Variants in MRTFB observed in about 807,000 individuals in gnomAD.
MRTFB encodes the protein myocardin-related transcription factor B.
Under a neutral mutation model 104.2 loss-of-function variants are expected in MRTFB, and 29 were observed. The observed-to-expected ratio is 0.28, with a 90% CI of 0.21 to 0.38. The LOEUF is 0.38. Ranked by LOEUF, MRTFB falls within the 10% of genes least tolerant of loss-of-function variation. The pLI, the probability that MRTFB is intolerant of heterozygous loss-of-function variation, is 1.00. For synonymous variants in MRTFB, 535 were observed against 519.5 expected (o/e 1.03, Z -0.41); for missense variants, 1,270 against 1,341.6 (o/e 0.95, Z 0.83).
intron 1 of MRTFB, among the ~76,000 whole-genome samples, chr16:14,078,412 C>A (rs1485689299): frequency 6.6e-6 from 1 of 152,024 alleles, no homozygotes; most frequent in African/African-American, 2.4e-5. Flanking sequence ...GAATACAAAG[C>A]TTATGCCCAC....
chr16:14,042,068 A>G, the MRTFB span, among the ~76,000 whole-genome samples: 3 of 152,144 alleles, frequency 2.0e-5, no homozygotes, highest in Non-Finnish European at 2.9e-5. Flanking sequence ...TATTCCCACC[A>G]ACAGTGCACA....
chr16:14,108,628 T>C (rs2142132051), intron 2 of MRTFB, among the ~76,000 whole-genome samples: 1 of 152,342 alleles, frequency 6.6e-6, no homozygotes, highest in East Asian at 1.9e-4. Flanking sequence ...CCCAGGAGGT[T>C]ACTTCTCTCT....
intron 2 of MRTFB, among the ~76,000 whole-genome samples, chr16:14,096,177 A>C (rs1444572217): frequency 6.6e-6 from 1 of 152,030 alleles, no homozygotes; most frequent in Non-Finnish European, 1.5e-5. Flanking sequence ...CCTGGGTTCA[A>C]GTAATTCTGC....
At chr16:14,249,166 C>T (rs930475090) in intron 13 of MRTFB, 85 bp downstream of exon 13, 2 of 1,459,958 alleles carry the variant, frequency 1.4e-6, no homozygotes, top group African/African-American at 2.8e-5. Flanking sequence ...TTGTAAACGC[C>T]CTGGGAAGTT....
intron 3 of MRTFB, among the ~76,000 whole-genome samples, chr16:14,172,738 C>G (rs2039463276): frequency 6.6e-6 from 1 of 152,134 alleles, no homozygotes; most frequent in Non-Finnish European, 1.5e-5. Flanking sequence ...AATTTTGATT[C>G]AGTTTCTCTA....
At chr16:14,012,708 A>C in the MRTFB span, among the ~76,000 whole-genome samples, 1 of 152,086 alleles carries the variant, frequency 6.6e-6, no homozygotes, top group Non-Finnish European at 1.5e-5. Flanking sequence ...GGGGTTAAGC[A>C]ATGTATGAAC....
intron 2 of MRTFB, among the ~76,000 whole-genome samples, chr16:14,082,121 A>G (rs1197812739): frequency 6.6e-6 from 1 of 152,202 alleles, no homozygotes; most frequent in Admixed American, 6.5e-5. Flanking sequence ...GTCCAGACCA[A>G]TGTCATGGAA....
intron 8 of MRTFB, among the ~76,000 whole-genome samples, chr16:14,225,866 C>T (rs922789144): frequency 1.3e-5 from 2 of 152,110 alleles, no homozygotes; most frequent in African/African-American, 4.8e-5. Flanking sequence ...CTTGTCAGGA[C>T]GTGACCACTG....
intron 2 of MRTFB, among the ~76,000 whole-genome samples, chr16:14,137,887 T>A (rs2037803048): frequency 6.6e-6 from 1 of 152,124 alleles, no homozygotes; most frequent in Non-Finnish European, 1.5e-5. Context: ...ACATTTAATG[T>A]AATTATTGAT....
chr16:14,090,045 C>G (rs914881419), intron 2 of MRTFB, among the ~76,000 whole-genome samples: 1 of 152,114 alleles, frequency 6.6e-6, no homozygotes, highest in Non-Finnish European at 1.5e-5. Context: ...AACACCCCCA[C>G]CCTTATCAGA....
intron 3 of MRTFB, chr16:14,186,573 C>T: frequency 2.5e-6 from 1 of 400,864 alleles, no homozygotes; most frequent in Non-Finnish European, 4.0e-6. Context: ...CATCAAACTG[C>T]AGACTGAAGT....
intron 3 of MRTFB, among the ~76,000 whole-genome samples, chr16:14,146,189 G>A (rs2038302684): frequency 1.3e-5 from 2 of 152,182 alleles, no homozygotes; most frequent in South Asian, 2.1e-4. Flanking sequence ...ATGTTGACAT[G>A]GTCACAGAAA....
intron 2 of MRTFB, among the ~76,000 whole-genome samples, chr16:14,102,282 A>G (rs1335831361): frequency 6.6e-6 from 1 of 152,222 alleles, no homozygotes; most frequent in African/African-American, 2.4e-5. Context: ...GTTTTGTGAC[A>G]GTGCAAGAAC....
At chr16:14,232,851 GA>G (rs1425883122) in intron 8 of MRTFB, among the ~76,000 whole-genome samples, 1 of 152,124 alleles carries the variant, frequency 6.6e-6, no homozygotes, top group Non-Finnish European at 1.5e-5. Context: ...TTTTAAGGAG[GA>G]AAAATACAGT....
chr16:14,224,099 G>A (rs181083651), intron 8 of MRTFB, among the ~76,000 whole-genome samples: 13 of 152,228 alleles, frequency 8.5e-5, no homozygotes, highest in Middle Eastern at 3.4e-3. Flanking sequence ...GAGAGCGAGC[G>A]AGCACAGGGA....
At chr16:14,252,311 A>G (rs1483732574) in intron 14 of MRTFB, 54 bp from the exon 15 acceptor site, 4 of 1,583,858 alleles carry the variant, frequency 2.5e-6, no homozygotes, top group African/African-American at 1.3e-5. Context: ...CTAGCCAGGA[A>G]AAGAGAGGTT....
chr16:14,059,334 G>C, the MRTFB span, among the ~76,000 whole-genome samples: 1 of 152,030 alleles, frequency 6.6e-6, no homozygotes, highest in Non-Finnish European at 1.5e-5. Flanking sequence ...CTCTCATCTA[G>C]CTGTAATTTT....
At chr16:14,179,448 T>C (rs1179000088) in intron 3 of MRTFB, among the ~76,000 whole-genome samples, 1 of 151,840 alleles carries the variant, frequency 6.6e-6, no homozygotes, top group South Asian at 2.1e-4. Flanking sequence ...ATCAAGGAGA[T>C]TTTTTTTTCC....
chr16:14,080,640 A>G (rs1416651552), intron 2 of MRTFB, among the ~76,000 whole-genome samples: 2 of 152,144 alleles, frequency 1.3e-5, no homozygotes, highest in Non-Finnish European at 2.9e-5. Context: ...TAACATTTCC[A>G]CACCACCACC....
Sources: allele counts gnomAD v4.1 joint callset (sites outside exome capture counted in the v4.1 genomes callset), GRCh38; gene constraint gnomAD v4.1.1; transcripts MANE v1.5; gene names NCBI Gene and HGNC (gene_info 2026-07-23, HGNC 2026-07-21).